The following DLG2 variants were observed in gnomAD, a reference collection of about 807,000 sequenced individuals.
The protein encoded by DLG2 is discs large MAGUK scaffold protein 2, also known as disks large homolog 2.
A neutral mutation model predicts 132.5 loss-of-function variants in DLG2; 45 were observed. The observed-to-expected ratio is 0.34, with a 90% CI of 0.27 to 0.44. The LOEUF (loss-of-function observed/expected upper bound fraction) is 0.44. Ranked by LOEUF, DLG2 falls within the 20% of genes least tolerant of loss-of-function variation. The pLI is 1.00. For missense variants in DLG2, 1,045 were observed against 1,196.9 expected (o/e 0.87, Z 1.87); for synonymous variants, 424 against 419.6 (o/e 1.01, Z -0.13).
intron 6 of DLG2, among the ~76,000 whole-genome samples, chr11:84,555,252 G>A (rs540691344): frequency 1.3e-5 from 2 of 152,062 alleles, no homozygotes; most frequent in Admixed American, 6.6e-5. Context: ...TCAAAAATAT[G>A]AAAATAGAAC....
intron 6 of DLG2, among the ~76,000 whole-genome samples, chr11:84,800,275 T>C (rs926263016): frequency 6.6e-6 from 1 of 152,310 alleles, no homozygotes; most frequent in Non-Finnish European, 1.5e-5. Context: ...TATAAATTTA[T>C]AGGTGTTTGT....
At chr11:83,577,374 GTATCTTATTAGTTCTAATAGGAGATATA>G (rs2096889466) in intron 19 of DLG2, among the ~76,000 whole-genome samples, 1 of 146,090 alleles carries the variant, frequency 6.8e-6, no homozygotes, top group Non-Finnish European at 1.5e-5. Flanking sequence ...GGAGATATAT[GTATCTTATTAGTTCTAATAGGAGATATA>G]TATCTTATTA....
At chr11:85,288,441 T>TA (rs1302211185) in intron 3 of DLG2, among the ~76,000 whole-genome samples, 3 of 151,500 alleles carry the variant, frequency 2.0e-5, no homozygotes, top group Non-Finnish European at 4.4e-5. Flanking sequence ...AAATAAGGAA[T>TA]AAAAAAAAGA....
At chr11:83,590,441 A>G (rs925507234) in intron 19 of DLG2, among the ~76,000 whole-genome samples, 12 of 152,178 alleles carry the variant, frequency 7.9e-5, no homozygotes, top group African/African-American at 2.4e-4. Flanking sequence ...TTTGAAACCA[A>G]TGAGAACAAA....
chr11:85,461,044 A>G (rs1341985817), intron 3 of DLG2, among the ~76,000 whole-genome samples: 1 of 152,230 alleles, frequency 6.6e-6, no homozygotes, highest in East Asian at 1.9e-4. Context: ...ATATGTTTTC[A>G]TTTAAAAGCT....
At chr11:84,166,017 T>G (rs938134283) in intron 8 of DLG2, among the ~76,000 whole-genome samples, 4 of 152,122 alleles carry the variant, frequency 2.6e-5, no homozygotes, top group African/African-American at 7.2e-5. Context: ...CATTTCAACC[T>G]TTTACATGAG....
At chr11:84,355,285 A>G (rs2098604498) in intron 7 of DLG2, among the ~76,000 whole-genome samples, 1 of 152,096 alleles carries the variant, frequency 6.6e-6, no homozygotes, top group Admixed American at 6.6e-5. Flanking sequence ...GACATCCGCT[A>G]TTGCTGTAGA....
chr11:84,275,757 C>CA (rs1190932988), intron 7 of DLG2, among the ~76,000 whole-genome samples: 3 of 152,016 alleles, frequency 2.0e-5, no homozygotes, highest in African/African-American at 4.8e-5. Flanking sequence ...GCACAAATAA[C>CA]AAAAAGGCAA....
intron 17 of DLG2, among the ~76,000 whole-genome samples, chr11:83,808,695 C>T (rs574560237): frequency 1.3e-5 from 2 of 152,262 alleles, no homozygotes; most frequent in Admixed American, 6.5e-5. Context: ...ATGCAGTTTC[C>T]TGTTGCATTG....
intron 15 of DLG2, among the ~76,000 whole-genome samples, chr11:83,900,260 A>C (rs1378952447): frequency 6.6e-6 from 1 of 152,188 alleles, no homozygotes; most frequent in Non-Finnish European, 1.5e-5. Flanking sequence ...TGATAATGGG[A>C]TAGAAAATAA....
chr11:85,284,390 A>T (rs1481048923), intron 4 of DLG2, among the ~76,000 whole-genome samples: 1 of 151,802 alleles, frequency 6.6e-6, no homozygotes. Flanking sequence ...AACAATACAA[A>T]CTCAGCAATC....
intron 18 of DLG2, among the ~76,000 whole-genome samples, chr11:83,737,382 A>T (rs2153710739): frequency 6.6e-6 from 1 of 152,362 alleles, no homozygotes; most frequent in Admixed American, 6.5e-5. Context: ...AAGATAAAGT[A>T]TGTTGAGAAA....
intron 6 of DLG2, among the ~76,000 whole-genome samples, chr11:84,601,280 A>G (rs1260985035): frequency 1.3e-5 from 2 of 152,112 alleles, no homozygotes; most frequent in African/African-American, 4.8e-5. Flanking sequence ...ATTGCTCTTC[A>G]TTATTGACAC....
In DLG2 at chr11:84,597,177, G is replaced by A. The variant is rs545514166; in HGVS notation, c.358-62446C>T. 3.3e-5 allele frequency among the ~76,000 whole-genome samples: 5 copies of A among 151,972 alleles called. No individual in the cohort carries two copies. In the South Asian group the frequency reaches 8.3e-4, roughly 25 times the overall value. ...AGAGGTTGCAGTAAGCCGAGATTGCGCCACTGCACTCCAGCCTGGATGACA... is the reference window on the plus strand; with the variant it reads ...AGAGGTTGCAGTAAGCCGAGATTGCACCACTGCACTCCAGCCTGGATGACA... On this transcript the variant is annotated intron_variant, in intron 6 of 27. Transcript: ENST00000376104.
At chr11:83,510,830 G>GCTTT (rs1555133618) in intron 21 of DLG2, among the ~76,000 whole-genome samples, 2 of 88,770 alleles carry the variant, frequency 2.3e-5, no homozygotes, top group Non-Finnish European at 4.1e-5. Flanking sequence ...TGAACCATCC[G>GCTTT]TTTTTTTTTT....
chr11:84,388,601 G>A (rs1384095923), intron 7 of DLG2, among the ~76,000 whole-genome samples: 1 of 151,794 alleles, frequency 6.6e-6, no homozygotes, highest in East Asian at 1.9e-4. Context: ...TCAGTACCCT[G>A]TGTTTCTAGA....
At chr11:84,415,995 G>A (rs2098928328) in intron 7 of DLG2, among the ~76,000 whole-genome samples, 2 of 151,458 alleles carry the variant, frequency 1.3e-5, no homozygotes, top group Admixed American at 6.6e-5. Flanking sequence ...TTACTATTTT[G>A]GGTTTTTGCA....
At chr11:83,863,066 T>A (rs1306830118) in intron 16 of DLG2, among the ~76,000 whole-genome samples, 1 of 152,162 alleles carries the variant, frequency 6.6e-6, no homozygotes, top group Non-Finnish European at 1.5e-5. Flanking sequence ...CAAGAAGAGA[T>A]ACTGGCATTG....
intron 21 of DLG2, among the ~76,000 whole-genome samples, chr11:83,500,479 C>T (rs1674801605): frequency 6.6e-6 from 1 of 152,030 alleles, no homozygotes; most frequent in Non-Finnish European, 1.5e-5. Context: ...CTGTATTATC[C>T]ACCACGGCTA....
Sources: allele counts gnomAD v4.1 joint callset (sites outside exome capture counted in the v4.1 genomes callset), GRCh38; gene constraint gnomAD v4.1.1; transcripts MANE v1.5; gene names NCBI Gene and HGNC (gene_info 2026-07-23, HGNC 2026-07-21).